Variants in THRB observed in about 807,000 individuals in gnomAD.
THRB encodes the protein thyroid hormone receptor beta, also known as nuclear receptor subfamily 1 group A member 2.
In THRB, 12 loss-of-function variants were observed where a neutral mutation model predicts 47.8. The observed-to-expected ratio is 0.25, with a 90% CI of 0.16 to 0.41. THRB has a LOEUF of 0.41. Among genes scored for constraint, THRB ranks in the 10% least tolerant of loss-of-function variants. The probability of loss-of-function intolerance (pLI) is 1.00; values close to 1 mark genes in which losing one functional copy is unlikely to be tolerated. For synonymous variants in THRB, 218 were observed against 212.2 expected (o/e 1.03, Z -0.24); for missense variants, 348 against 589.2 (o/e 0.59, Z 4.24).
At chr3:24,438,784 G>A (rs2071243055) in intron 1 of THRB, among the ~76,000 whole-genome samples, 1 of 152,120 alleles carries the variant, frequency 6.6e-6, no homozygotes, top group Non-Finnish European at 1.5e-5. Context: ...TAAGAGAGTA[G>A]ATGAGAAGGT....
chr3:24,186,847 A>G (rs886365865), intron 5 of THRB, among the ~76,000 whole-genome samples: 6 of 146,912 alleles, frequency 4.1e-5, no homozygotes, highest in African/African-American at 1.5e-4. Context: ...CAGGAGGCTG[A>G]GGCAGGAGAA....
intron 1 of THRB, among the ~76,000 whole-genome samples, chr3:24,346,033 G>T (rs1438145406): frequency 1.3e-5 from 2 of 152,014 alleles, no homozygotes; most frequent in Non-Finnish European, 2.9e-5. Flanking sequence ...CCAGTAGAAG[G>T]AGAAATATCC....
intron 1 of THRB, among the ~76,000 whole-genome samples, chr3:24,451,094 C>T (rs987757124): frequency 2.0e-5 from 3 of 152,114 alleles, no homozygotes; most frequent in African/African-American, 7.2e-5. Context: ...CCTTGTGATA[C>T]ATATGAGCTA....
intron 6 of THRB, among the ~76,000 whole-genome samples, chr3:24,150,670 C>T (rs2067499): frequency 0.71 from 107,505 of 151,984 alleles, 38,933 homozygotes; most frequent in Non-Finnish European, 0.79. Flanking sequence ...TCACTAATAA[C>T]GTATTGTCCT....
intron 1 of THRB, among the ~76,000 whole-genome samples, chr3:24,401,904 T>C (rs149132964): frequency 6.6e-6 from 1 of 152,092 alleles, no homozygotes; most frequent in Non-Finnish European, 1.5e-5. Context: ...CTCTGCTCAA[T>C]AGAGGAAGTG....
At chr3:24,143,364 C>T in intron 8 of THRB, 137 bp downstream of exon 8, 1 of 864,000 alleles carries the variant, frequency 1.2e-6, no homozygotes, top group Non-Finnish European at 1.9e-6. Context: ...GCAAGTTACT[C>T]AGCCTCTCAG....
intron 1 of THRB, among the ~76,000 whole-genome samples, chr3:24,359,731 A>C (rs13086718): frequency 0.16 from 24,326 of 152,132 alleles, 2,447 homozygotes; most frequent in Middle Eastern, 0.24. Context: ...ACACATTTTC[A>C]GTTGAGTTGT....
At chr3:24,146,120 C>T (rs555518231) in intron 7 of THRB, among the ~76,000 whole-genome samples, 3 of 152,170 alleles carry the variant, frequency 2.0e-5, no homozygotes, top group Non-Finnish European at 4.4e-5. Flanking sequence ...ATATAACAAA[C>T]AACCAACTGC....
chr3:24,127,815 A>G, intron 9 of THRB, 58 bp from the exon 10 acceptor site: 1 of 1,572,432 alleles, frequency 6.4e-7, no homozygotes, highest in East Asian at 2.2e-5. Context: ...AGTCAGGAAC[A>G]ACATACAGTA....
At chr3:24,287,293 CAAGGACTTAA>C (rs1360548446) in intron 3 of THRB, among the ~76,000 whole-genome samples, 6 of 152,152 alleles carry the variant, frequency 3.9e-5, no homozygotes, top group Admixed American at 2.0e-4. Context: ...CCTAGGGCTA[CAAGGACTTAA>C]AAGACTTCAA....
intron 5 of THRB, among the ~76,000 whole-genome samples, chr3:24,171,726 T>G (rs2040468978): frequency 6.6e-6 from 1 of 152,144 alleles, no homozygotes; most frequent in Non-Finnish European, 1.5e-5. Context: ...GGGGATTGAC[T>G]GTCCCTCCTC....
chr3:24,211,311 T>C (rs2046002232), intron 4 of THRB, among the ~76,000 whole-genome samples: 1 of 152,208 alleles, frequency 6.6e-6, no homozygotes, highest in African/African-American at 2.4e-5. Context: ...CATGAATGCT[T>C]TTTTCTTACA....
At chr3:24,447,934 A>G (rs564662051) in intron 1 of THRB, among the ~76,000 whole-genome samples, 77 of 152,108 alleles carry the variant, frequency 5.1e-4, no homozygotes, top group Non-Finnish European at 2.8e-4. Flanking sequence ...AGAGAGCGCT[A>G]GTCATCACGA....
At chr3:24,396,833 T>A (rs974761580) in intron 1 of THRB, among the ~76,000 whole-genome samples, 2 of 152,170 alleles carry the variant, frequency 1.3e-5, no homozygotes, top group African/African-American at 2.4e-5. Flanking sequence ...ATAAATTTAA[T>A]GCTGGGAAAA....
At chr3:24,371,751 A>G (rs1012132683) in intron 1 of THRB, among the ~76,000 whole-genome samples, 2 of 152,172 alleles carry the variant, frequency 1.3e-5, no homozygotes, top group Non-Finnish European at 2.9e-5. Flanking sequence ...ATGTATTGCT[A>G]CATTCAGTGG....
intron 1 of THRB, among the ~76,000 whole-genome samples, chr3:24,415,383 C>A (rs188763454): frequency 6.6e-6 from 1 of 151,914 alleles, no homozygotes; most frequent in African/African-American, 2.4e-5. Flanking sequence ...TGTTAGCTTG[C>A]AAACAGGGTA....
chr3:24,388,036 C>T (rs1025106305), intron 1 of THRB, among the ~76,000 whole-genome samples: 1 of 152,078 alleles, frequency 6.6e-6, no homozygotes, highest in African/African-American at 2.4e-5. Context: ...GGTATTGTCA[C>T]GCACCACCCA....
chr3:24,156,818 G>C (rs1249062927), intron 5 of THRB, among the ~76,000 whole-genome samples: 1 of 152,094 alleles, frequency 6.6e-6, no homozygotes, highest in Non-Finnish European at 1.5e-5. Context: ...CAGACCTGAT[G>C]ATTTAAGCTT....
At chr3:24,325,596 A>G (rs2058752385) in intron 2 of THRB, among the ~76,000 whole-genome samples, 1 of 152,214 alleles carries the variant, frequency 6.6e-6, no homozygotes, top group African/African-American at 2.4e-5. Context: ...CTGAGGCAGG[A>G]GAATCACTTG....
Sources: allele counts gnomAD v4.1 joint callset (sites outside exome capture counted in the v4.1 genomes callset), GRCh38; gene constraint gnomAD v4.1.1; transcripts MANE v1.5; gene names NCBI Gene and HGNC (gene_info 2026-07-23, HGNC 2026-07-21).